The following DCLK1 variants were observed in gnomAD, a reference collection of about 807,000 sequenced individuals.
DCLK1 encodes the protein serine/threonine-protein kinase DCLK1.
In DCLK1, 16 loss-of-function variants were observed where a neutral mutation model predicts 86.2. That is an observed-to-expected ratio of 0.19 (90% CI 0.13 to 0.28). The LOEUF is 0.28. Among genes scored for constraint, DCLK1 ranks in the 10% least tolerant of loss-of-function variants. DCLK1 has a pLI of 1.00. For synonymous variants in DCLK1, 369 were observed against 370.5 expected, an observed-to-expected ratio of 1.00 and a Z score of 0.05; for missense variants, 590 against 940.2, an observed-to-expected ratio of 0.63 and a Z score of 4.87.
chr13:35,798,115 C>A (rs757494610), intron 15 of DCLK1, among the ~76,000 whole-genome samples: 2 of 152,130 alleles, frequency 1.3e-5, no homozygotes, highest in African/African-American at 4.8e-5. Flanking sequence ...GCAACTGACA[C>A]GAACAAAATT....
Position 36,089,270 on chromosome 13 carries a change from T to C in DCLK1, c.723+22599A>G, listed in dbSNP as rs147729343. The stretch of plus-strand genomic sequence containing the variant: ...AATATGTAAGCTCTCCTCTACTTGA[T>C]GAGAAAACCTCACATTACAAACTGT... On this transcript the variant is annotated intron_variant, in intron 3 of 16. Transcript: ENST00000360631. Among the ~76,000 whole-genome samples the C allele has an allele frequency of 9.2e-5, 14 of 152,342 alleles. No individual in the cohort carries two copies. In the East Asian group the frequency reaches 2.7e-3, roughly 29 times the overall value.
At chr13:36,048,134 T>C (rs1295585008) in intron 3 of DCLK1, among the ~76,000 whole-genome samples, 1 of 152,208 alleles carries the variant, frequency 6.6e-6, no homozygotes, top group Non-Finnish European at 1.5e-5. Context: ...ATCATAAGTA[T>C]AATTTCTGAT....
rs1454426408 is a variant in DCLK1 at position 35,822,738 on chromosome 13, C to T, written c.1545G>A (p.Glu515=). ...GTGGAATTCCTCTTACCAGCAGGTT[C>T]TCTGGCTTGATATCACGGTGGACGA... ...LNIVHRDIKP[E]NLLVYEHQDG... The change falls in exon 11 of 17, where the codon GAG becomes GAA. Residue 515 remains glutamate, a synonymous_variant. Coordinates refer to ENST00000360631, the MANE Select transcript of DCLK1 (RefSeq NM_001330071.2). The T allele has an allele frequency of 1.5e-5, 24 of 1,613,982 alleles. No homozygotes were observed. The highest frequency in any genetic ancestry group is 1.9e-5 in the Non-Finnish European group (23 of 1,180,002).
rs1156908256 is a variant in DCLK1 at position 35,864,446 on chromosome 13, TC to T, written c.940+6777del. On this transcript the variant is annotated intron_variant, in intron 5 of 16. Transcript: ENST00000360631. ...CGGGCGTAGTGGCGGGCGCCTGTAG[TC>T]CCAGCTACTTGGGAGGCTGAGGCAG... 1.7e-5 allele frequency among the ~76,000 whole-genome samples: 2 copies of T among 115,862 alleles called. 1 individual carries two copies. Among genetic ancestry groups the T allele is most frequent in the Non-Finnish European group, 3.5e-5 (2 of 57,712 alleles). 76.0% of individuals were successfully genotyped at this position (115,862 alleles called of 152,430 possible). A position where few individuals can be genotyped will look rare whatever the true frequency, so the allele number is the denominator to read the frequency against.
At chr13:35,953,619 A>G (rs1203722790) in intron 3 of DCLK1, among the ~76,000 whole-genome samples, 1 of 152,200 alleles carries the variant, frequency 6.6e-6, no homozygotes, top group Non-Finnish European at 1.5e-5. Context: ...CGCTACAGAC[A>G]AATATGGACT....
chr13:35,930,692 C>T (rs1296351093), intron 4 of DCLK1, among the ~76,000 whole-genome samples: 1 of 152,126 alleles, frequency 6.6e-6, no homozygotes, highest in African/African-American at 2.4e-5. Flanking sequence ...GAGATGATTC[C>T]AGCATCTTGG....
At chr13:36,088,172 G>T (rs577556598) in intron 3 of DCLK1, among the ~76,000 whole-genome samples, 1 of 152,352 alleles carries the variant, frequency 6.6e-6, no homozygotes, top group African/African-American at 2.4e-5. Context: ...TGGAATAGCA[G>T]GTTGATGACT....
At chr13:35,828,680 C>G (rs73176193) in intron 8 of DCLK1, among the ~76,000 whole-genome samples, 12,812 of 151,642 alleles carry the variant, frequency 0.084, 765 homozygotes, top group Middle Eastern at 0.15. Flanking sequence ...GCTCTCAAAA[C>G]AAAACACTAG....
chr13:35,875,157 T>C (rs1872523928), intron 4 of DCLK1, among the ~76,000 whole-genome samples: 1 of 152,218 alleles, frequency 6.6e-6, no homozygotes, highest in South Asian at 2.1e-4. Context: ...CACATTGTTG[T>C]TAAGTAACAT....
At chr13:35,838,946 A>G in intron 7 of DCLK1, 146 bp downstream of exon 7, 1 of 668,142 alleles carries the variant, frequency 1.5e-6, no homozygotes, top group East Asian at 2.8e-5. Context: ...GGTGGGCACC[A>G]TATTCAACCC....
At chr13:36,003,060 T>TA (rs1880789027) in intron 3 of DCLK1, among the ~76,000 whole-genome samples, 2 of 152,196 alleles carry the variant, frequency 1.3e-5, no homozygotes, top group Non-Finnish European at 2.9e-5. Context: ...AATCTGCCCA[T>TA]ACTTTCTAAA....
chr13:35,871,393 CCA>C, intron 4 of DCLK1, 53 bp from the exon 5 acceptor site: 1 of 1,395,846 alleles, frequency 7.2e-7, no homozygotes, highest in Non-Finnish European at 1.0e-6. Context: ...CACACACACA[CCA>C]ACTCAAAATG....
At chr13:35,861,980 G>A (rs541745530) in intron 5 of DCLK1, among the ~76,000 whole-genome samples, 8 of 144,550 alleles carry the variant, frequency 5.5e-5, no homozygotes, top group South Asian at 2.2e-4. Context: ...AGCAGTGAGC[G>A]GAGATTGCGC....
At chr13:35,961,886 A>C (rs1251536580) in intron 3 of DCLK1, among the ~76,000 whole-genome samples, 2 of 152,258 alleles carry the variant, frequency 1.3e-5, no homozygotes, top group African/African-American at 4.8e-5. Flanking sequence ...AAGTGTAATC[A>C]GACATAAATA....
At chr13:35,931,541 A>C (rs908318056) in intron 4 of DCLK1, among the ~76,000 whole-genome samples, 2 of 152,126 alleles carry the variant, frequency 1.3e-5, no homozygotes, top group Admixed American at 1.3e-4. Flanking sequence ...TCTATCAAAT[A>C]AGTTTATATT....
At chr13:35,997,532 A>G (rs1352635510) in intron 3 of DCLK1, among the ~76,000 whole-genome samples, 6 of 152,248 alleles carry the variant, frequency 3.9e-5, no homozygotes, top group African/African-American at 1.2e-4. Flanking sequence ...ACATGTTTAC[A>G]TCTATCAATA....
chr13:35,930,218 C>A (rs1253203225), intron 4 of DCLK1, among the ~76,000 whole-genome samples: 3 of 152,088 alleles, frequency 2.0e-5, no homozygotes, highest in Non-Finnish European at 2.9e-5. Flanking sequence ...TTGTTTAAAC[C>A]CAAGAATACT....
intron 11 of DCLK1, among the ~76,000 whole-genome samples, chr13:35,811,925 T>A (rs919857669): frequency 6.6e-6 from 1 of 152,188 alleles, no homozygotes; most frequent in Non-Finnish European, 1.5e-5. Context: ...TTATTTTCAG[T>A]GCCTCGTATT....
Position 35,813,902 on chromosome 13 carries a change from T to C in DCLK1, c.1555-2934A>G, listed in dbSNP as rs190971337. Among the ~76,000 whole-genome samples, 10 of 150,584 alleles carry C rather than the reference T, an allele frequency of 6.6e-5. No individual in the cohort carries two copies. The East Asian group carries it at 2.0e-3, about 30-fold the overall frequency. On this transcript the variant is annotated intron_variant, in intron 11 of 16. Transcript: ENST00000360631. ...CATTTGAAATGCTGCAAAAAAAAAA[T>C]GTTTTTGCAGGTGAATAAATGTCCA...
Sources: gnomAD v4.1 joint callset for allele counts (sites outside exome capture counted in the v4.1 genomes callset) on GRCh38, gnomAD v4.1.1 for gene constraint, MANE v1.5 for transcripts, NCBI Gene and HGNC (gene_info 2026-07-23, HGNC 2026-07-21) for gene names.